BLK: variants seen among roughly 807,000 people sequenced by gnomAD.
BLK encodes the protein tyrosine-protein kinase Blk.
Under a neutral mutation model 61.8 loss-of-function variants are expected in BLK, and 64 were observed. That is an observed-to-expected ratio of 1.03 (90% CI 0.85 to 1.27). BLK has a LOEUF of 1.27. Among genes scored for constraint, BLK ranks in the 50% most tolerant of loss-of-function variants. The pLI is 0.00. For missense variants in BLK, 853 were observed against 660.5 expected, an observed-to-expected ratio of 1.29 and a Z score of -3.19; for synonymous variants, 351 against 272.0, an observed-to-expected ratio of 1.29 and a Z score of -2.86.
intron 1 of BLK, among the ~76,000 whole-genome samples, chr8:11,496,923 G>C (rs747658688): frequency 8.5e-5 from 13 of 152,144 alleles, no homozygotes; most frequent in Non-Finnish European, 1.5e-4. Context: ...CTGACCTTGT[G>C]AGCCCACCTG....
In BLK at chr8:11,563,051, T is replaced by C. The variant is rs577905338; in HGVS notation, c.1253T>C (p.Val418Ala). ...HFGVFTIKADVWSFGVLLMEV... is the reference protein window; with the variant it reads ...HFGVFTIKADAWSFGVLLMEV... Reference sequence around the variant, plus strand: ...GGGGTCTTCACCATCAAAGCAGACGTGTGGTCGTTTGGAGTCCTCCTGATG... The same window carrying C: ...GGGGTCTTCACCATCAAAGCAGACGCGTGGTCGTTTGGAGTCCTCCTGATG... Residue 418 changes from valine to alanine, a missense_variant, in exon 12 of 13, where the codon GTG becomes GCG. Val to Ala is a moderately conservative substitution (Grantham distance 64, BLOSUM62 0). Coordinates refer to ENST00000259089, the MANE Select transcript of BLK (RefSeq NM_001715.3). 2 of 1,613,990 alleles carry C rather than the reference T, an allele frequency of 1.2e-6. No homozygotes were observed. The highest frequency in any genetic ancestry group is 2.7e-5 in the African/African-American group (2 of 74,922).
At position 11,563,118 on chromosome 8, in the gene BLK, G is replaced by A; in HGVS notation, c.1312+8G>A. ...GGCGGGTGCCATACCCAGGTAGGTG[G>A]CTCACCCCGCAGCTCGCGGCTCCCT... is the stretch of plus-strand genomic sequence containing the variant. On this transcript the variant is annotated splice_region_variant and intron_variant, in intron 12 of 12. Transcript: ENST00000259089. The A allele has an allele frequency of 1.2e-6, 2 of 1,613,596 alleles. No homozygotes were observed. Among genetic ancestry groups the A allele is most frequent in the Admixed American group, 1.7e-5 (1 of 60,024 alleles).
At chr8:11,510,932 T>C (rs559845294) in intron 1 of BLK, among the ~76,000 whole-genome samples, 5 of 152,352 alleles carry the variant, frequency 3.3e-5, no homozygotes, top group African/African-American at 4.8e-5. Context: ...TGGCCGTCCG[T>C]GGTTCTTAAC....
At position 11,546,047 on chromosome 8, in the gene BLK, C is replaced by G. The variant is rs750695701; in HGVS notation, c.124-5C>G. ...AATAACTCAAGTGTGTGTTTTCTACCCAAGGTTGTCTTCAACCACCTTACT... is the reference window on the plus strand; with the variant it reads ...AATAACTCAAGTGTGTGTTTTCTACGCAAGGTTGTCTTCAACCACCTTACT... On this transcript the variant is annotated splice_region_variant and splice_polypyrimidine_tract_variant and intron_variant, in intron 2 of 12. Coordinates refer to ENST00000259089, the MANE Select transcript of BLK (RefSeq NM_001715.3). 1.9e-6 allele frequency: 3 copies of G among 1,614,082 alleles called. No homozygotes were observed. The highest frequency in any genetic ancestry group is 2.5e-6 in the Non-Finnish European group (3 of 1,179,944).
At chr8:11,538,679 G>C (rs1800236985) in intron 1 of BLK, among the ~76,000 whole-genome samples, 1 of 152,158 alleles carries the variant, frequency 6.6e-6, no homozygotes, top group African/African-American at 2.4e-5. Flanking sequence ...TGGTCACCTG[G>C]GCAGATGCGG....
chr8:11,535,316 G>GAAAGAA (rs1491087740), intron 1 of BLK, among the ~76,000 whole-genome samples: 11 of 122,756 alleles, frequency 9.0e-5, no homozygotes, highest in African/African-American at 2.9e-4. Flanking sequence ...AAGAAAGAAA[G>GAAAGAA]AAAGAAAGAG....
chr8:11,548,943 A>T, intron 4 of BLK, 81 bp from the exon 5 acceptor site: 1 of 1,251,364 alleles, frequency 8.0e-7, no homozygotes, highest in Non-Finnish European at 1.1e-6. Flanking sequence ...GGGAGAGATG[A>T]CTTTGAGGAG....
intron 2 of BLK, among the ~76,000 whole-genome samples, chr8:11,544,296 TC>T (rs905748514): frequency 4.2e-4 from 64 of 152,240 alleles, no homozygotes; most frequent in African/African-American, 1.5e-3. Context: ...TTCTTTGTGC[TC>T]TCTCCACTCC....
rs535325341 is a variant in BLK, at chr8:11,507,943, C to T, written c.-2+13352C>T. ...CAGCACTGCTAATCGGGGGTAGAGTCAACGGCCTTCCAGTGCACCCTTTGG... is the reference window on the plus strand; with the variant it reads ...CAGCACTGCTAATCGGGGGTAGAGTTAACGGCCTTCCAGTGCACCCTTTGG... On this transcript the variant is annotated intron_variant, in intron 1 of 12. Coordinates refer to ENST00000259089, the MANE Select transcript of BLK (RefSeq NM_001715.3). 2.0e-5 allele frequency among the ~76,000 whole-genome samples: 3 copies of T among 152,290 alleles called. No homozygotes were observed. The South Asian group carries it at 6.2e-4, about 32-fold the overall frequency.
intron 1 of BLK, among the ~76,000 whole-genome samples, chr8:11,532,992 T>C (rs1295815683): frequency 1.3e-5 from 2 of 152,208 alleles, no homozygotes; most frequent in Non-Finnish European, 2.9e-5. Flanking sequence ...AATGGGAAGG[T>C]ATATGTCTGC....
In BLK at chr8:11,543,279, G is replaced by A. The variant is rs975732448; in HGVS notation, c.55G>A (p.Asp19Asn). 1.2e-6 allele frequency: 2 copies of A among 1,614,006 alleles called. No individual in the cohort carries two copies. The highest frequency in any genetic ancestry group is 2.2e-5 in the East Asian group (1 of 44,874). The change falls in exon 2 of 13, where the codon GAC (aspartate) becomes AAC (asparagine). Residue 19 changes from aspartate (D) to asparagine (N), a missense_variant. Physicochemically the swap from Asp to Asn is conservative, Grantham distance 23. Transcript: ENST00000259089. Reference sequence around the variant, plus strand: ...CAAGGAAAAGCCGATCAAAGAGAAGGACAAGGGCCAATGGAGCCCCCTGAA... The same window carrying A: ...CAAGGAAAAGCCGATCAAAGAGAAGAACAAGGGCCAATGGAGCCCCCTGAA... ...PDKEKPIKEK[D>N]KGQWSPLKVS...
intron 1 of BLK, among the ~76,000 whole-genome samples, chr8:11,510,742 G>A (rs376891253): frequency 2.6e-5 from 4 of 151,760 alleles, no homozygotes; most frequent in African/African-American, 7.3e-5. Context: ...TAGCGCCACT[G>A]TACTCCAGCC....
chr8:11,498,689 T>G (rs777085717), intron 1 of BLK, among the ~76,000 whole-genome samples: 1 of 152,310 alleles, frequency 6.6e-6, no homozygotes, highest in Non-Finnish European at 1.5e-5. Flanking sequence ...TGTGCCTTCC[T>G]GAGATGATAA....
intron 4 of BLK, 137 bp downstream of exon 4, chr8:11,548,262 A>G (rs937324752): frequency 4.2e-6 from 3 of 718,374 alleles, no homozygotes; most frequent in South Asian, 1.8e-5. Flanking sequence ...TGGCCCCAGC[A>G]TTTTCTTGAA....
intron 1 of BLK, among the ~76,000 whole-genome samples, chr8:11,519,903 C>G (rs185374290): frequency 3.3e-4 from 51 of 152,258 alleles, no homozygotes; most frequent in African/African-American, 1.1e-3. Flanking sequence ...AAGAAATACA[C>G]CAAAATATTC....
chr8:11,554,897 G>T lies in BLK; in HGVS notation c.619+8G>T. 6.2e-7 allele frequency: 1 copy of T among 1,611,998 alleles called. No individual in the cohort carries two copies. On this transcript the variant is annotated splice_region_variant and intron_variant, in intron 7 of 12. Coordinates refer to ENST00000259089, the MANE Select transcript of BLK (RefSeq NM_001715.3). The stretch of plus-strand genomic sequence containing the variant: ...TGGTGCAGCACTATTCTAGTAAGAG[G>T]GGGCGTGCAATGGGGGCAGGGACTT...
chr8:11,537,976 C>T (rs1800205618), intron 1 of BLK, among the ~76,000 whole-genome samples: 2 of 152,068 alleles, frequency 1.3e-5, no homozygotes, highest in South Asian at 4.2e-4. Flanking sequence ...CTCCCCTTTC[C>T]CACTTCCCCT....
At chr8:11,523,204 G>C (rs925800945) in intron 1 of BLK, among the ~76,000 whole-genome samples, 11 of 152,162 alleles carry the variant, frequency 7.2e-5, no homozygotes, top group African/African-American at 2.7e-4. Context: ...AAATTGACTA[G>C]GTAGAAATGA....
At chr8:11,555,827 G>C (rs1396202462) in intron 8 of BLK, 1 of 385,162 alleles carries the variant, frequency 2.6e-6, no homozygotes, top group East Asian at 6.5e-5. Context: ...GATGGAAACA[G>C]GAGGTTAAAC....
Sources: allele counts gnomAD v4.1 joint callset (sites outside exome capture counted in the v4.1 genomes callset), GRCh38; gene constraint gnomAD v4.1.1; transcripts MANE v1.5; gene names NCBI Gene and HGNC (gene_info 2026-07-23, HGNC 2026-07-21).